Variants in ELF1 observed in about 807,000 individuals in gnomAD.
The protein encoded by ELF1 is E74 like ETS transcription factor 1.
In ELF1, 24 loss-of-function variants were observed where a neutral mutation model predicts 59.9. The ratio of observed to expected loss-of-function variants is 0.40; its 90% CI spans 0.29 to 0.56. The LOEUF is 0.56. ELF1 is among the 20% of genes least tolerant of loss of function. The pLI is 0.44. For missense variants in ELF1, 627 were observed against 742.2 expected (o/e 0.84, Z 1.80); for synonymous variants, 248 against 266.2 (o/e 0.93, Z 0.67).
chr13:40,982,045 C>G lies in ELF1; in HGVS notation c.10G>C (p.Val4Leu), dbSNP rs748231439. Residue 4 changes from valine (V) to leucine (L), a missense_variant, in exon 2 of 9, where the codon GTT (valine) becomes CTT (leucine). Val to Leu is a conservative substitution (Grantham distance 32, BLOSUM62 1). Transcript: ENST00000239882. Reference protein sequence around the residue: MAAVVQQNDLVFEF... With the variant: MAALVQQNDLVFEF... ...AATACTAGGTCGTTCTGTTGGACAACAGCAGCCATAATAAAGCATTCCCCT... is the reference window on the plus strand; with the variant it reads ...AATACTAGGTCGTTCTGTTGGACAAGAGCAGCCATAATAAAGCATTCCCCT... 6.2e-7 allele frequency: 1 copy of G among 1,612,178 alleles called. No individual in the cohort carries two copies. The highest frequency in any genetic ancestry group is 8.5e-7 in the Non-Finnish European group (1 of 1,179,068).
chr13:40,993,888 A>G (rs1593384395), intron 1 of ELF1, among the ~76,000 whole-genome samples: 1 of 149,450 alleles, frequency 6.7e-6, no homozygotes, highest in East Asian at 2.0e-4. Flanking sequence ...ATGTAAATAA[A>G]GCACAAATCG....
chr13:41,015,938 C>G (rs1025227965), intron 1 of ELF1, among the ~76,000 whole-genome samples: 13 of 151,858 alleles, frequency 8.6e-5, no homozygotes, highest in Admixed American at 2.6e-4. Context: ...CAGAATAAAA[C>G]CTTTCTCCTC....
At chr13:40,973,772 T>G (rs945097537) in intron 2 of ELF1, among the ~76,000 whole-genome samples, 2 of 152,084 alleles carry the variant, frequency 1.3e-5, no homozygotes, top group Non-Finnish European at 2.9e-5. Context: ...TCTTTGAAAA[T>G]GTGTACAGAA....
At chr13:41,027,452 T>A (rs1277671134) in intron 1 of ELF1, among the ~76,000 whole-genome samples, 2 of 152,172 alleles carry the variant, frequency 1.3e-5, no homozygotes, top group Non-Finnish European at 2.9e-5. Context: ...CTTAGCAACA[T>A]GGATTTCCAC....
At chr13:41,053,500 G>T (rs898959153) in intron 1 of ELF1, among the ~76,000 whole-genome samples, 2 of 152,176 alleles carry the variant, frequency 1.3e-5, no homozygotes, top group Non-Finnish European at 1.5e-5. Context: ...ATTCTCCTCA[G>T]TGTGGATATC....
chr13:40,966,366 A>T (rs4942014), intron 2 of ELF1, among the ~76,000 whole-genome samples: 83,198 of 152,124 alleles, frequency 0.55, 25,849 homozygotes, highest in Non-Finnish European at 0.69. Context: ...ATATATGTTG[A>T]AAGCAAAATT....
chr13:41,018,179 C>T (rs574821050), intron 1 of ELF1, among the ~76,000 whole-genome samples: 2 of 152,228 alleles, frequency 1.3e-5, no homozygotes, highest in Admixed American at 1.3e-4. Context: ...GGAATCACTG[C>T]ATATTCCAAT....
intron 1 of ELF1, among the ~76,000 whole-genome samples, chr13:40,991,887 G>A (rs1873872117): frequency 6.6e-6 from 1 of 152,106 alleles, no homozygotes; most frequent in Non-Finnish European, 1.5e-5. Flanking sequence ...AGGTGATGGT[G>A]AACTGCAAGT....
intron 1 of ELF1, among the ~76,000 whole-genome samples, chr13:41,045,007 C>T (rs1298962776): frequency 2.0e-5 from 3 of 152,060 alleles, no homozygotes; most frequent in Non-Finnish European, 4.4e-5. Flanking sequence ...TCAACTTCTT[C>T]CTGGTTTAGT....
In ELF1 at chr13:40,933,258, G is replaced by A; in HGVS notation, c.*167C>T. The A allele has an allele frequency of 1.2e-6, 1 of 816,028 alleles. No homozygotes were observed. Among genetic ancestry groups the A allele is most frequent in the East Asian group, 2.8e-5 (1 of 35,978 alleles). 50.5% of individuals were successfully genotyped at this position (816,028 alleles called of 1,614,324 possible). ...TTCTGAAACATTTAGATAACAAAGA[G>A]AAACAGTTGAGTTTTCCTCCCTCAT... On this transcript the variant is annotated 3_prime_UTR_variant, in exon 9 of 9. Coordinates refer to ENST00000239882, the MANE Select transcript of ELF1 (RefSeq NM_172373.4).
chr13:41,019,168 CCT>C (rs1875586286), intron 1 of ELF1, 58 bp downstream of exon 1: 4 of 983,998 alleles, frequency 4.1e-6, no homozygotes, highest in Non-Finnish European at 3.6e-6. Flanking sequence ...TAAGAACCAC[CCT>C]CTGTTTATCA....
At chr13:41,008,542 C>G (rs1018512155) in intron 1 of ELF1, among the ~76,000 whole-genome samples, 1 of 151,522 alleles carries the variant, frequency 6.6e-6, no homozygotes, top group East Asian at 1.9e-4. Context: ...AAATGACTCA[C>G]GCATGATGTT....
At chr13:40,945,041 C>T (rs1311656407) in intron 5 of ELF1, among the ~76,000 whole-genome samples, 2 of 152,156 alleles carry the variant, frequency 1.3e-5, no homozygotes, top group East Asian at 1.9e-4. Context: ...CCAAGTATCT[C>T]GACTTTCATC....
At chr13:40,935,002 T>C (rs1051390152) in intron 8 of ELF1, among the ~76,000 whole-genome samples, 6 of 152,200 alleles carry the variant, frequency 3.9e-5, no homozygotes, top group African/African-American at 7.2e-5. Flanking sequence ...GAAAAATACA[T>C]AGAAGCATGT....
intron 1 of ELF1, among the ~76,000 whole-genome samples, chr13:41,049,982 T>A (rs1261211453): frequency 6.6e-6 from 1 of 152,162 alleles, no homozygotes; most frequent in African/African-American, 2.4e-5. Context: ...GTGCATAGAG[T>A]ATCCACATAC....
intron 1 of ELF1, among the ~76,000 whole-genome samples, chr13:41,015,337 A>C (rs1172784756): frequency 2.0e-5 from 3 of 152,072 alleles, no homozygotes; most frequent in African/African-American, 7.2e-5. Flanking sequence ...TAGCACAGCA[A>C]AAAAAAACAG....
intron 2 of ELF1, among the ~76,000 whole-genome samples, chr13:40,968,137 CAT>C (rs1872301109): frequency 6.6e-6 from 1 of 152,154 alleles, no homozygotes; most frequent in Non-Finnish European, 1.5e-5. Flanking sequence ...TACCGACATA[CAT>C]TTTTATATTA....
At chr13:41,014,326 T>C (rs9532701) in intron 1 of ELF1, among the ~76,000 whole-genome samples, 45,048 of 151,968 alleles carry the variant, frequency 0.3, 7,022 homozygotes, top group South Asian at 0.49. Context: ...AAGAGGGCTC[T>C]GACAATGAGG....
chr13:40,972,294 T>G (rs1000592940), intron 2 of ELF1, among the ~76,000 whole-genome samples: 57 of 152,168 alleles, frequency 3.7e-4, no homozygotes, highest in Non-Finnish European at 2.9e-4. Flanking sequence ...CCAAAAAAAC[T>G]GAACAACGCC....
Sources: gnomAD v4.1 joint callset for allele counts (sites outside exome capture counted in the v4.1 genomes callset) on GRCh38, gnomAD v4.1.1 for gene constraint, MANE v1.5 for transcripts, NCBI Gene and HGNC (gene_info 2026-07-23, HGNC 2026-07-21) for gene names.